QSOX2: variants seen among roughly 807,000 people sequenced by gnomAD.
QSOX2 encodes the protein sulfhydryl oxidase 2.
QSOX2 carries 46 observed loss-of-function variants against 61.7 expected under a neutral mutation model. The ratio of observed to expected loss-of-function variants is 0.75; its 90% CI spans 0.59 to 0.95. The LOEUF (loss-of-function observed/expected upper bound fraction) is 0.95, where lower values mean the gene tolerates loss of function less well. Among genes scored for constraint, QSOX2 ranks in the 40% least tolerant of loss-of-function variants. QSOX2 has a pLI of 0.00. For synonymous variants in QSOX2, 383 were observed against 388.4 expected (o/e 0.99, Z 0.16); for missense variants, 879 against 918.9 (o/e 0.96, Z 0.56).
chr9:136,216,716 G>A lies in QSOX2; in HGVS notation c.1093C>T (p.Pro365Ser). The A allele has an allele frequency of 6.2e-7, 1 of 1,613,508 alleles. No individual in the cohort carries two copies. Among genetic ancestry groups the A allele is most frequent in the Non-Finnish European group, 8.5e-7 (1 of 1,179,928 alleles). The change falls in exon 9 of 12, where the codon CCT becomes TCT. Residue 365 changes from proline (P) to serine (S), a missense_variant. Transcript: ENST00000358701. ...AGCTTCTTGACTGGCGGCCGTCCAGGGAACAGCTGCATGAGGAAGGAGCCA... is the reference window on the plus strand; with the variant it reads ...AGCTTCTTGACTGGCGGCCGTCCAGAGAACAGCTGCATGAGGAAGGAGCCA... ...DFVTVLAKLF[P>S]GRPPVKKLLE... is the part of the protein sequence containing the mutation.
chr9:136,226,641 A>G lies in QSOX2; in HGVS notation c.429+133T>C, dbSNP rs80070322. The G allele has an allele frequency of 1.0e-3, 777 of 768,542 alleles. 3 individuals are homozygous for G. The highest frequency in any genetic ancestry group is 6.7e-3 in the African/African-American group (395 of 59,190). 47.6% of individuals were successfully genotyped at this position (768,542 alleles called of 1,614,324 possible). A position where few individuals can be genotyped will look rare whatever the true frequency, so the allele number is the denominator to read the frequency against. ...CTACAATTCCTACGAAGTTCCAAGG[A>G]GAGAGCCAGAGAAGCCGAAAACACA... On this transcript the variant is annotated intron_variant, in intron 2 of 11. Transcript: ENST00000358701.
intron 1 of QSOX2, among the ~76,000 whole-genome samples, chr9:136,227,993 T>C (rs1830297874): frequency 6.6e-6 from 1 of 152,152 alleles, no homozygotes; most frequent in Non-Finnish European, 1.5e-5. Flanking sequence ...TAAAGTTTGT[T>C]TGAATCAAGA....
Position 136,224,047 on chromosome 9 carries a change from C to T in QSOX2, c.544G>A (p.Gly182Arg), listed in dbSNP as rs1349740423. ...MIDFLQNHTEGSRPPACPRLD... is the reference protein window; with the variant it reads ...MIDFLQNHTERSRPPACPRLD... ...CGCGGGCAGGCAGGGGGCCGGCTTC[C>T]TTCCGTGTGGTTCTGCAGGAAGTCA... Residue 182 changes from glycine (G) to arginine (R), a missense_variant, in exon 4 of 12, where the codon GGA becomes AGA. Physicochemically the swap from Gly to Arg is moderately radical, Grantham distance 125 (BLOSUM62 -2). Transcript: ENST00000358701. 2.2e-5 allele frequency: 35 copies of T among 1,613,930 alleles called. No homozygotes were observed. Among genetic ancestry groups the T allele is most frequent in the Non-Finnish European group, 2.9e-5 (34 of 1,180,020 alleles).
At chr9:136,231,665 A>T (rs1004204174) in intron 1 of QSOX2, among the ~76,000 whole-genome samples, 1 of 152,152 alleles carries the variant, frequency 6.6e-6, no homozygotes, top group African/African-American at 2.4e-5. Context: ...CCCCACACTG[A>T]TCGCTCCTTA....
At chr9:136,241,647 G>A (rs1361496487) in intron 1 of QSOX2, among the ~76,000 whole-genome samples, 2 of 152,186 alleles carry the variant, frequency 1.3e-5, no homozygotes, top group Admixed American at 1.3e-4. Context: ...GCGTGACCGT[G>A]ACTATCCCAC....
intron 1 of QSOX2, among the ~76,000 whole-genome samples, chr9:136,240,580 C>G (rs1391797369): frequency 6.6e-6 from 1 of 152,182 alleles, no homozygotes; most frequent in South Asian, 2.1e-4. Context: ...CTTGGCTGAG[C>G]AAAGGTCTTC....
At chr9:136,237,239 ACACCTGGAGCCCATCCTGGGCTGGCGT>A (rs1264817808) in intron 1 of QSOX2, among the ~76,000 whole-genome samples, 2 of 126,088 alleles carry the variant, frequency 1.6e-5, no homozygotes, top group Non-Finnish European at 3.3e-5. Flanking sequence ...GTCCTGTGCC[ACACCTGGAGCCCATCCTGGGCTGGCGT>A]CACCTGGAGC....
intron 8 of QSOX2, 44 bp from the exon 9 acceptor site, chr9:136,216,766 G>C (rs201519840): frequency 2.5e-6 from 4 of 1,606,920 alleles, no homozygotes; most frequent in South Asian, 1.1e-5. Context: ...ACCCAAACCC[G>C]GGCCCGCCCC....
At chr9:136,215,404 T>C (rs1831897827) in intron 9 of QSOX2, 100 bp from the exon 10 acceptor site, 1 of 506,908 alleles carries the variant, frequency 2.0e-6, no homozygotes, top group Non-Finnish European at 3.2e-6. Context: ...GGGTGGATAA[T>C]GGGGGTGTGG....
At chr9:136,231,889 C>G (rs537627930) in intron 1 of QSOX2, among the ~76,000 whole-genome samples, 2 of 144,798 alleles carry the variant, frequency 1.4e-5, no homozygotes, top group South Asian at 4.5e-4. Context: ...CCTCCACCCC[C>G]TCCACCCTCT....
intron 1 of QSOX2, 120 bp from the exon 2 acceptor site, chr9:136,226,994 A>AG: frequency 1.3e-6 from 1 of 757,662 alleles, no homozygotes; most frequent in Non-Finnish European, 2.4e-6. Context: ...TGCCCCCTCT[A>AG]GGTCATCAGT....
chr9:136,211,074 A>G lies in QSOX2; in HGVS notation c.1549+190T>C, dbSNP rs561478519. On this transcript the variant is annotated intron_variant, in intron 11 of 11. Transcript: ENST00000358701. ...GAAGCATCTAGAAAGCCGGGGACAGAAGCAGCCTGGGAAAGGCTGCAGCTC... is the reference window on the plus strand; with the variant it reads ...GAAGCATCTAGAAAGCCGGGGACAGGAGCAGCCTGGGAAAGGCTGCAGCTC... Among the ~76,000 whole-genome samples the G allele has an allele frequency of 2.6e-5, 4 of 152,344 alleles. No homozygotes were observed. The East Asian group carries it at 7.7e-4, about 29-fold the overall frequency.
intron 10 of QSOX2, among the ~76,000 whole-genome samples, chr9:136,212,390 T>C (rs1831857167): frequency 6.6e-6 from 1 of 152,242 alleles, no homozygotes; most frequent in Admixed American, 6.5e-5. Flanking sequence ...CAGCAGGCCC[T>C]GGGGGAGCTT....
chr9:136,216,421 C>T (rs1253358559), intron 9 of QSOX2, among the ~76,000 whole-genome samples, 179 bp downstream of exon 9: 1 of 152,240 alleles, frequency 6.6e-6, no homozygotes, highest in Non-Finnish European at 1.5e-5. Flanking sequence ...CCCAGCATGA[C>T]GCTGCCAAGG....
chr9:136,215,696 G>C (rs186882465), intron 9 of QSOX2, among the ~76,000 whole-genome samples: 219 of 152,334 alleles, frequency 1.4e-3, no homozygotes, highest in Non-Finnish European at 2.2e-3. Context: ...TTCTTGGCCA[G>C]AACAAACAAG....
rs569284070 is a variant in QSOX2 at position 136,231,225 on chromosome 9, T to C, written c.329-4351A>G. Among the ~76,000 whole-genome samples the C allele has an allele frequency of 3.9e-5, 6 of 152,274 alleles. No individual in the cohort carries two copies. In the East Asian group the frequency reaches 7.7e-4, roughly 20 times the overall value. ...GTCCGCATAGCACACACCTCGAGCA[T>C]GGAGGGCAAACGTCCTAACAGGCGT... On this transcript the variant is annotated intron_variant, in intron 1 of 11. Coordinates refer to ENST00000358701, the MANE Select transcript of QSOX2 (RefSeq NM_181701.4).
rs200449000 is a variant in QSOX2, at chr9:136,208,926, G to C, written c.1899C>G (p.Leu633=). ...GGGCCCCGGGCCCATCCAGACTCTG[G>C]AGTTTCCCGTCCAAGCTGTGATGCA... The part of the protein sequence containing the change: ...ESLHHSLDGK[L]QSLDGPGAHK... Residue 633 remains leucine, a synonymous_variant, in exon 12 of 12, where the codon CTC becomes CTG. Transcript: ENST00000358701. 8.7e-6 allele frequency: 14 copies of C among 1,613,766 alleles called. No homozygotes were observed. The African/African-American group carries it at 9.3e-5, about 11-fold the overall frequency.
intron 1 of QSOX2, among the ~76,000 whole-genome samples, chr9:136,239,067 C>A (rs1830414174): frequency 6.6e-6 from 1 of 152,264 alleles, no homozygotes; most frequent in African/African-American, 2.4e-5. Context: ...AGGGCCTTCA[C>A]CTCGTGGCTC....
chr9:136,209,029 A>G lies in QSOX2; in HGVS notation c.1796T>C (p.Val599Ala), dbSNP rs1195600431. Reference protein sequence around the residue: ...EEEKRLTPPEVSHGDRDTQSV... With the variant: ...EEEKRLTPPEASHGDRDTQSV... ...CTGGGTGTCTCGGTCTCCATGGGAC[A>G]CCTCTGGGGGAGTGAGTCTTTTCTC... The change falls in exon 12 of 12, where the codon GTG becomes GCG. Residue 599 changes from valine (V) to alanine (A), a missense_variant. Val to Ala is a moderately conservative substitution (Grantham distance 64, BLOSUM62 0). Coordinates refer to ENST00000358701, the MANE Select transcript of QSOX2 (RefSeq NM_181701.4). The surrounding 1 kb of genome is among the most constrained non-coding windows in gnomAD (Gnocchi z 5.6). The G allele has an allele frequency of 6.2e-7, 1 of 1,613,834 alleles. No individual in the cohort carries two copies. The highest frequency in any genetic ancestry group is 1.7e-5 in the Admixed American group (1 of 60,004).
Sources: gnomAD v4.1 joint callset for allele counts (sites outside exome capture counted in the v4.1 genomes callset) on GRCh38, gnomAD v4.1.1 for gene constraint, Gnocchi (gnomAD v3.1) non-coding constraint, MANE v1.5 for transcripts, NCBI Gene and HGNC (gene_info 2026-07-23, HGNC 2026-07-21) for gene names.